SCAPER: variants seen among roughly 807,000 people sequenced by gnomAD.
SCAPER encodes S-phase cyclin A associated protein in the ER, also known as S phase cyclin A-associated protein in the endoplasmic reticulum.
A neutral mutation model predicts 182.2 loss-of-function variants in SCAPER; 98 were observed. That is an observed-to-expected ratio of 0.54 (90% CI 0.46 to 0.64). The LOEUF (loss-of-function observed/expected upper bound fraction) is 0.64, where lower values mean the gene tolerates loss of function less well. Ranked by LOEUF, SCAPER falls within the 30% of genes least tolerant of loss-of-function variation. The pLI is 0.00. For missense variants in SCAPER, 1,432 were observed against 1,690.0 expected, an observed-to-expected ratio of 0.85 and a Z score of 2.68; for synonymous variants, 605 against 564.6, an observed-to-expected ratio of 1.07 and a Z score of -1.01.
chr15:76,905,004 A>C (rs2074986465), intron 1 of SCAPER, among the ~76,000 whole-genome samples: 2 of 151,826 alleles, frequency 1.3e-5, no homozygotes, highest in African/African-American at 4.8e-5. Context: ...GCGGGGTCTC[A>C]CGTCCCTCAC....
At chr15:76,571,131 A>T (rs1354371373) in intron 23 of SCAPER, among the ~76,000 whole-genome samples, 1 of 152,152 alleles carries the variant, frequency 6.6e-6, no homozygotes, top group African/African-American at 2.4e-5. Context: ...ACCACAACTC[A>T]CATTTGCCAA....
At chr15:76,846,090 C>T (rs1317418185) in intron 4 of SCAPER, among the ~76,000 whole-genome samples, 2 of 151,878 alleles carry the variant, frequency 1.3e-5, no homozygotes, top group African/African-American at 2.4e-5. Flanking sequence ...GAACATGCAC[C>T]GGGGAAAAGA....
In SCAPER at chr15:76,454,353, A is replaced by C. The variant is rs1248241632; in HGVS notation, c.3078+16859T>G. Among the ~76,000 whole-genome samples, 4 of 152,170 alleles carry C rather than the reference A, an allele frequency of 2.6e-5. No homozygotes were observed. The East Asian group carries it at 7.7e-4, about 29-fold the overall frequency. On this transcript the variant is annotated intron_variant, in intron 25 of 31. Transcript: ENST00000563290. The stretch of plus-strand genomic sequence containing the variant: ...CTATCCACTGATCATAAATTCCAAG[A>C]AGACTACAACTGTGGCTTTAATTTT...
At chr15:76,663,392 T>C (rs566760781) in intron 21 of SCAPER, among the ~76,000 whole-genome samples, 1 of 152,244 alleles carries the variant, frequency 6.6e-6, no homozygotes, top group East Asian at 1.9e-4. Context: ...CTTGTAGGTA[T>C]TTACCGAAGA....
At chr15:76,767,596 A>G (rs1415464090) in intron 10 of SCAPER, among the ~76,000 whole-genome samples, 1 of 152,136 alleles carries the variant, frequency 6.6e-6, no homozygotes, top group Non-Finnish European at 1.5e-5. Flanking sequence ...AATCCTCATG[A>G]GAAGCTAAAG....
At chr15:76,483,295 C>A (rs1471394923) in intron 24 of SCAPER, among the ~76,000 whole-genome samples, 48 of 132,958 alleles carry the variant, frequency 3.6e-4, no homozygotes, top group African/African-American at 1.0e-3. Context: ...TATTCACATG[C>A]AAAAAAAAAA....
intron 21 of SCAPER, among the ~76,000 whole-genome samples, chr15:76,652,119 T>C (rs1350828376): frequency 1.3e-5 from 2 of 148,814 alleles, no homozygotes; most frequent in Non-Finnish European, 3.0e-5. Flanking sequence ...CAAAGAAACA[T>C]AACTAAAAAT....
At chr15:76,466,419 CTT>C in intron 25 of SCAPER, among the ~76,000 whole-genome samples, 24 of 37,420 alleles carry the variant, frequency 6.4e-4, no homozygotes, top group South Asian at 1.7e-3. Context: ...GTTGGTTCTT[CTT>C]TTTTTTTTTT....
intron 24 of SCAPER, among the ~76,000 whole-genome samples, chr15:76,475,388 A>G (rs2050546866): frequency 6.6e-6 from 1 of 151,578 alleles, no homozygotes. Context: ...GTGCAGTGGC[A>G]TGATCTCAGC....
At chr15:76,835,008 T>C (rs1452569406) in intron 5 of SCAPER, among the ~76,000 whole-genome samples, 2 of 152,044 alleles carry the variant, frequency 1.3e-5, no homozygotes, top group Admixed American at 6.5e-5. Flanking sequence ...CTAAAAGTGT[T>C]CCCAAAAATT....
chr15:76,831,743 G>A (rs981921205), intron 5 of SCAPER, among the ~76,000 whole-genome samples: 5 of 152,110 alleles, frequency 3.3e-5, no homozygotes, highest in African/African-American at 9.7e-5. Flanking sequence ...GTCAGAATGT[G>A]GTTGTCAGCT....
chr15:76,813,227 TAAAAAAAAAAA>T (rs746891532), intron 5 of SCAPER, among the ~76,000 whole-genome samples: 6 of 17,278 alleles, frequency 3.5e-4, no homozygotes, highest in African/African-American at 9.4e-4. Context: ...ATCCTTTCAC[TAAAAAAAAAAA>T]AAAAAAAAAA....
chr15:76,587,542 A>G (rs1217625853), intron 22 of SCAPER, among the ~76,000 whole-genome samples: 1 of 152,192 alleles, frequency 6.6e-6, no homozygotes, highest in Non-Finnish European at 1.5e-5. Flanking sequence ...TGTTGACCCA[A>G]TGATCATTCA....
At position 76,721,244 on chromosome 15, in the gene SCAPER, G is replaced by A. The variant is rs546717230; in HGVS notation, c.2165+7351C>T. Reference sequence around the variant, plus strand: ...AAAGATCAGGTAGTTGTAGATATGCGGCATTATTTCTGAGGGCTCTGTTCT... The same window carrying A: ...AAAGATCAGGTAGTTGTAGATATGCAGCATTATTTCTGAGGGCTCTGTTCT... On this transcript the variant is annotated intron_variant, in intron 17 of 31. Coordinates refer to ENST00000563290, the MANE Select transcript of SCAPER (RefSeq NM_020843.4). Among the ~76,000 whole-genome samples, 115 of 152,124 alleles carry A rather than the reference G, an allele frequency of 7.6e-4. 1 individual carries two copies. The highest frequency in any genetic ancestry group is 2.2e-3 in the African/African-American group (92 of 41,484).
chr15:76,747,655 C>T (rs1180195372), intron 15 of SCAPER, among the ~76,000 whole-genome samples: 1 of 152,024 alleles, frequency 6.6e-6, no homozygotes, highest in Non-Finnish European at 1.5e-5. Context: ...TATATTAGTT[C>T]CTGCAAAAGT....
intron 15 of SCAPER, among the ~76,000 whole-genome samples, 152 bp from the exon 16 acceptor site, chr15:76,733,536 G>A (rs2061054952): frequency 6.6e-6 from 1 of 151,828 alleles, no homozygotes; most frequent in Non-Finnish European, 1.5e-5. Context: ...ATCACCTGAA[G>A]TTGGGAGTTC....
chr15:76,496,072 G>A (rs1164761509), intron 24 of SCAPER, among the ~76,000 whole-genome samples: 1 of 151,446 alleles, frequency 6.6e-6, no homozygotes, highest in East Asian at 1.9e-4. Flanking sequence ...TGGAAGGGGG[G>A]AAGGGACAAG....
At chr15:76,573,511 A>G (rs936285294) in intron 23 of SCAPER, among the ~76,000 whole-genome samples, 4 of 152,142 alleles carry the variant, frequency 2.6e-5, no homozygotes, top group Non-Finnish European at 5.9e-5. Context: ...GTAAAATGTG[A>G]TATGTTCATT....
intron 21 of SCAPER, among the ~76,000 whole-genome samples, chr15:76,659,117 T>C (rs187563544): frequency 3.0e-4 from 46 of 151,918 alleles, no homozygotes; most frequent in African/African-American, 9.9e-4. Context: ...GTAAAGAAAA[T>C]ATTACCAGAG....
Sources: allele counts gnomAD v4.1 joint callset (sites outside exome capture counted in the v4.1 genomes callset), GRCh38; gene constraint gnomAD v4.1.1; transcripts MANE v1.5; gene names NCBI Gene and HGNC (gene_info 2026-07-23, HGNC 2026-07-21).